Variants in PC observed in about 807,000 individuals in gnomAD.
The protein encoded by PC is pyruvate carboxylase, mitochondrial.
In PC, 46 loss-of-function variants were observed where a neutral mutation model predicts 107.8. The observed-to-expected ratio is 0.43, with a 90% CI of 0.34 to 0.55. PC has a LOEUF of 0.55. Ranked by LOEUF, PC falls within the 20% of genes least tolerant of loss-of-function variation. The probability of loss-of-function intolerance (pLI) is 0.04; values close to 1 mark genes in which losing one functional copy is unlikely to be tolerated. For synonymous variants in PC, 662 were observed against 684.7 expected (o/e 0.97, Z 0.52); for missense variants, 1,241 against 1,643.1 (o/e 0.76, Z 4.23).
chr11:66,858,943 A>G lies in PC; in HGVS notation c.1368+4831T>C. 6.3e-7 allele frequency: 1 copy of G among 1,576,854 alleles called. No individual in the cohort carries two copies. The highest frequency in any genetic ancestry group is 8.6e-7 in the Non-Finnish European group (1 of 1,158,154). ...TCCGCTCGCACTGCTGCCGAGGGTG[A>G]GGGGACGCTGGAGTCTGAGCCAGCC... is the stretch of plus-strand genomic sequence containing the variant. On this transcript the variant is annotated intron_variant, in intron 12 of 22. Transcript: ENST00000393960. This position sits in a 1 kb window ranked among gnomAD's most constrained non-coding sequence, Gnocchi z 5.9.
chr11:66,872,072 G>C lies in PC; in HGVS notation c.88C>G (p.Arg30Gly). 1 of 1,565,934 alleles carries C rather than the reference G, an allele frequency of 6.4e-7. No individual in the cohort carries two copies. The highest frequency in any genetic ancestry group is 8.7e-7 in the Non-Finnish European group (1 of 1,155,486). ...TTGATGGGCTTATACTCCAGGCGCC[G>C]GACATTTGGGGAGGCAGCGGGGGCG... ...STAPAASPNV[R>G]RLEYKPIKKV... Residue 30 changes from arginine (R) to glycine (G), a missense_variant, in exon 4 of 23, where the codon CGG becomes GGG. Arg to Gly is a moderately radical substitution (Grantham distance 125). This residue lies in a region of PC where 1,143 missense variants were observed against 1,551.9 expected (regional missense o/e 0.74). Coordinates refer to ENST00000393960, the MANE Select transcript of PC (RefSeq NM_001040716.2).
Position 66,858,769 on chromosome 11 carries a change from G to A in PC, c.1368+5005C>T, listed in dbSNP as rs1197393989. 1.9e-6 allele frequency: 3 copies of A among 1,551,424 alleles called. No individual in the cohort carries two copies. The highest frequency in any genetic ancestry group is 1.7e-6 in the Non-Finnish European group (2 of 1,147,924). ...GGGACCTTAGAGATTGGGGTGACCG[G>A]CGCTGGGGACGCTGGGGGCTACACC... On this transcript the variant is annotated intron_variant, in intron 12 of 22. Transcript: ENST00000393960. The surrounding 1 kb of genome is among the most constrained non-coding windows in gnomAD (Gnocchi z 5.9).
chr11:66,860,452 A>T (rs1202657137), intron 12 of PC: 1 of 704,728 alleles, frequency 1.4e-6, no homozygotes, highest in Non-Finnish European at 2.6e-6. Flanking sequence ...TTTTATTTAT[A>T]ATAAAATTGT....
At chr11:66,862,085 G>A (rs1248412046) in intron 12 of PC, among the ~76,000 whole-genome samples, 2 of 152,144 alleles carry the variant, frequency 1.3e-5, no homozygotes, top group Non-Finnish European at 2.9e-5. Flanking sequence ...TCACCCCTGT[G>A]CATGGCCACG....
Position 66,857,559 on chromosome 11 carries a change from G to T in PC, c.1369-4176C>A. ...GCTTGGGAAATGTGACCTTTGCTCT[G>T]GGGGGCCTGGCCCTGCAGGCCCCAA... is the stretch of plus-strand genomic sequence containing the variant. On this transcript the variant is annotated intron_variant, in intron 12 of 22. Coordinates refer to ENST00000393960, the MANE Select transcript of PC (RefSeq NM_001040716.2). This position sits in a 1 kb window ranked among gnomAD's most constrained non-coding sequence, Gnocchi z 7.1. 1.6e-6 allele frequency: 1 copy of T among 608,504 alleles called. No homozygotes were observed. The highest frequency in any genetic ancestry group is 2.8e-5 in the East Asian group (1 of 35,274). 37.7% of individuals were successfully genotyped at this position (608,504 alleles called of 1,614,324 possible).
At chr11:66,940,418 T>A (rs1469349958) in intron 3 of PC, among the ~76,000 whole-genome samples, 1 of 152,092 alleles carries the variant, frequency 6.6e-6, no homozygotes, top group Non-Finnish European at 1.5e-5. Flanking sequence ...CCAGGTGCAG[T>A]GGCTCATGTC....
At chr11:66,862,160 T>A (rs746003457) in intron 12 of PC, among the ~76,000 whole-genome samples, 3 of 152,062 alleles carry the variant, frequency 2.0e-5, no homozygotes, top group African/African-American at 7.2e-5. Flanking sequence ...CGCAGCAAGG[T>A]GCAGGGGGAG....
At position 66,871,190 on chromosome 11, in the gene PC, G is replaced by A. The variant is rs372522645; in HGVS notation, c.495C>T (p.Pro165=). 18 of 1,613,132 alleles carry A rather than the reference G, an allele frequency of 1.1e-5. No homozygotes were observed. The highest frequency in any genetic ancestry group is 8.0e-5 in the African/African-American group (6 of 75,042). The part of the protein sequence containing the change: ...ARAIAIAAGV[P]VVPGTDAPIT... ...TGGGGGCATCTGTGCCAGGGACAACGGGAACACCTGTTGGGAGAAAGGTGT... is the reference window on the plus strand; with the variant it reads ...TGGGGGCATCTGTGCCAGGGACAACAGGAACACCTGTTGGGAGAAAGGTGT... The change falls in exon 7 of 23, where the codon CCC becomes CCT. Residue 165 remains proline (P), a synonymous_variant. Transcript: ENST00000393960. The surrounding 1 kb of genome is among the most constrained non-coding windows in gnomAD (Gnocchi z 7.4).
At chr11:66,872,404 C>CTATG (rs1419103415) in intron 3 of PC, among the ~76,000 whole-genome samples, 1 of 152,090 alleles carries the variant, frequency 6.6e-6, no homozygotes, top group Non-Finnish European at 1.5e-5. Flanking sequence ...CAGGGTCTCC[C>CTATG]TATGTTGCCT....
intron 3 of PC, among the ~76,000 whole-genome samples, chr11:66,929,101 A>C (rs1948786150): frequency 1.3e-5 from 2 of 152,194 alleles, no homozygotes; most frequent in Admixed American, 6.5e-5. Flanking sequence ...TTAAACCAGA[A>C]GAGGCTGACC....
intron 3 of PC, among the ~76,000 whole-genome samples, chr11:66,897,225 C>T (rs927415103): frequency 6.6e-6 from 1 of 152,184 alleles, no homozygotes; most frequent in African/African-American, 2.4e-5. Flanking sequence ...TGAGCCACCG[C>T]GCCCAGCCTT....
intron 3 of PC, among the ~76,000 whole-genome samples, chr11:66,948,429 T>C (rs1354462526): frequency 1.3e-5 from 2 of 152,170 alleles, no homozygotes; most frequent in Non-Finnish European, 2.9e-5. Context: ...CCAAAGGTGA[T>C]GAATGTGTTC....
chr11:66,947,273 C>T (rs1949320693), intron 3 of PC, among the ~76,000 whole-genome samples: 1 of 152,014 alleles, frequency 6.6e-6, no homozygotes, highest in South Asian at 2.1e-4. Flanking sequence ...AACTGTAATA[C>T]CCATATAATG....
At chr11:66,929,769 G>A (rs1324781162) in intron 3 of PC, among the ~76,000 whole-genome samples, 1 of 152,086 alleles carries the variant, frequency 6.6e-6, no homozygotes, top group Non-Finnish European at 1.5e-5. Flanking sequence ...TTTCCACCTT[G>A]TCCTCCCAAA....
rs1455349058 is a variant in PC, at chr11:66,871,035, T to C, written c.633+17A>G. On this transcript the variant is annotated intron_variant, in intron 7 of 22. Coordinates refer to ENST00000393960, the MANE Select transcript of PC (RefSeq NM_001040716.2). The surrounding 1 kb of genome is among the most constrained non-coding windows in gnomAD (Gnocchi z 7.4). ...GGCTGCCCTGCCCTGCTCCCAGCCC[T>C]GGGCATCTTCACTCACCTCGTAGCT... The C allele has an allele frequency of 6.2e-7, 1 of 1,613,792 alleles. No homozygotes were observed. The highest frequency in any genetic ancestry group is 8.5e-7 in the Non-Finnish European group (1 of 1,179,860).
chr11:66,941,694 G>A (rs955287881), intron 3 of PC, among the ~76,000 whole-genome samples: 8 of 152,160 alleles, frequency 5.3e-5, no homozygotes, highest in Admixed American at 6.5e-5. Context: ...GGGTTTCACC[G>A]TGTTAGCCAG....
intron 3 of PC, among the ~76,000 whole-genome samples, chr11:66,902,750 G>A (rs1455529141): frequency 6.6e-6 from 1 of 152,170 alleles, no homozygotes; most frequent in East Asian, 1.9e-4. Context: ...AGTCACACCT[G>A]TGTGTCCCCC....
chr11:66,902,963 C>A (rs114939394), intron 3 of PC, among the ~76,000 whole-genome samples: 1 of 152,220 alleles, frequency 6.6e-6, no homozygotes, highest in Non-Finnish European at 1.5e-5. Flanking sequence ...GGCTGTCAGG[C>A]GCCTACCCGC....
chr11:66,870,277 C>A lies in PC; in HGVS notation c.903+25G>T. ...CGGCCTGTGAGCACAGGCTCCTGTC[C>A]CAACACGGGAAGCCCACCCTTCACC... On this transcript the variant is annotated intron_variant, in intron 9 of 22. Transcript: ENST00000393960. The surrounding 1 kb of genome is among the most constrained non-coding windows in gnomAD (Gnocchi z 6.1). 3 of 1,611,648 alleles carry A rather than the reference C, an allele frequency of 1.9e-6. No homozygotes were observed. Among genetic ancestry groups the A allele is most frequent in the Non-Finnish European group, 2.5e-6 (3 of 1,179,912 alleles).
Sources: allele counts gnomAD v4.1 joint callset (sites outside exome capture counted in the v4.1 genomes callset), GRCh38; gene constraint gnomAD v4.1.1; regional missense constraint gnomAD v4.1.1; non-coding constraint Gnocchi (gnomAD v3.1); transcripts MANE v1.5; gene names NCBI Gene and HGNC (gene_info 2026-07-23, HGNC 2026-07-21).